Variants in ITGB5 observed in about 807,000 individuals in gnomAD.
The protein encoded by ITGB5 is integrin beta-5.
In ITGB5, 38 loss-of-function variants were observed where a neutral mutation model predicts 84.8. The ratio of observed to expected loss-of-function variants is 0.45; its 90% CI spans 0.35 to 0.59. The LOEUF (loss-of-function observed/expected upper bound fraction) is 0.59. ITGB5 is among the 20% of genes least tolerant of loss of function. The probability of loss-of-function intolerance (pLI) is 0.01; values close to 1 mark genes in which losing one functional copy is unlikely to be tolerated. For missense variants in ITGB5, 905 were observed against 1,034.5 expected (o/e 0.87, Z 1.72); for synonymous variants, 393 against 414.4 (o/e 0.95, Z 0.63).
intron 10 of ITGB5, among the ~76,000 whole-genome samples, chr3:124,774,605 T>C (rs2063895893): frequency 6.6e-6 from 1 of 152,222 alleles, no homozygotes; most frequent in South Asian, 2.1e-4. Flanking sequence ...GATTTCAGGC[T>C]TCTGACCTCC....
At chr3:124,819,673 G>A (rs534994150) in intron 7 of ITGB5, 66 bp downstream of exon 7, 3 of 1,142,196 alleles carry the variant, frequency 2.6e-6, no homozygotes, top group Non-Finnish European at 4.0e-6. Context: ...GATAGGCAGA[G>A]TTGTAAACAC....
intron 3 of ITGB5, among the ~76,000 whole-genome samples, chr3:124,849,802 C>G (rs975720530): frequency 3.3e-5 from 5 of 152,076 alleles, no homozygotes; most frequent in African/African-American, 1.2e-4. Context: ...AAGACCCAGG[C>G]CACGATAATG....
intron 3 of ITGB5, among the ~76,000 whole-genome samples, chr3:124,855,328 T>C (rs1020970578): frequency 2.0e-5 from 3 of 151,912 alleles, no homozygotes; most frequent in African/African-American, 7.3e-5. Flanking sequence ...TATAGATAGA[T>C]ATATGAAAAA....
chr3:124,766,578 T>C (rs2063771733), intron 12 of ITGB5, among the ~76,000 whole-genome samples: 1 of 151,920 alleles, frequency 6.6e-6, no homozygotes, highest in South Asian at 2.1e-4. Flanking sequence ...CATTAGAGGA[T>C]CTCCAAGCCT....
chr3:124,823,569 G>T (rs2064739273), intron 5 of ITGB5, among the ~76,000 whole-genome samples: 1 of 150,722 alleles, frequency 6.6e-6, no homozygotes, highest in African/African-American at 2.4e-5. Flanking sequence ...CTTTCAAGGT[G>T]CTGGTGATGT....
intron 3 of ITGB5, among the ~76,000 whole-genome samples, chr3:124,852,792 A>G (rs1468446795): frequency 3.9e-5 from 6 of 152,058 alleles, no homozygotes; most frequent in Non-Finnish European, 5.9e-5. Context: ...GGCTCAAGCA[A>G]TCCTCCCACC....
chr3:124,804,623 T>C (rs2064366277), intron 9 of ITGB5, among the ~76,000 whole-genome samples: 1 of 152,182 alleles, frequency 6.6e-6, no homozygotes, highest in African/African-American at 2.4e-5. Context: ...AATATCTCTA[T>C]TAAACACAGC....
At chr3:124,793,309 C>T (rs905059317) in intron 10 of ITGB5, among the ~76,000 whole-genome samples, 15 of 152,106 alleles carry the variant, frequency 9.9e-5, no homozygotes, top group Admixed American at 6.5e-5. Flanking sequence ...ATTTCAGGAT[C>T]CTGAAGGGGA....
chr3:124,796,881 G>A, intron 9 of ITGB5, 64 bp from the exon 10 acceptor site: 1 of 1,494,102 alleles, frequency 6.7e-7, no homozygotes, highest in Non-Finnish European at 9.0e-7. Context: ...ATTCACCCAG[G>A]GGCAGGGCCC....
Position 124,773,710 on chromosome 3 carries a change from C to G in ITGB5, c.1896G>C (p.Pro632=). ...GEMCEKCPTC[P]DACSTKRDCV... is the part of the protein sequence containing the mutation. ...AGTACCTCTTGGTGCTGCATGCATC[C>G]GGGCAGGTGGGGCACTTCTCACACA... The change falls in exon 11 of 15, where the codon CCG becomes CCC. Residue 632 remains proline (P), a synonymous_variant. Transcript: ENST00000296181. 6.2e-7 allele frequency: 1 copy of G among 1,612,234 alleles called. No homozygotes were observed. Among genetic ancestry groups the G allele is most frequent in the Non-Finnish European group, 8.5e-7 (1 of 1,179,986 alleles).
At chr3:124,860,121 C>T (rs1329150595) in intron 2 of ITGB5, among the ~76,000 whole-genome samples, 1 of 152,140 alleles carries the variant, frequency 6.6e-6, no homozygotes, top group Admixed American at 6.5e-5. Context: ...CAGTGCTCTA[C>T]TCCAAGAAAC....
intron 1 of ITGB5, chr3:124,878,503 T>C (rs1053204496): frequency 5.3e-5 from 8 of 152,222 alleles, no homozygotes; most frequent in African/African-American, 1.9e-4. Context: ...TCAGTTGCTG[T>C]TGGGACACAT....
At chr3:124,896,785 T>C (rs1935112380) in intron 1 of ITGB5, among the ~76,000 whole-genome samples, 1 of 142,572 alleles carries the variant, frequency 7.0e-6, no homozygotes, top group African/African-American at 2.6e-5. Context: ...AAGCTGGGCA[T>C]GCACGTGGCT....
chr3:124,846,601 T>C (rs2065081614), intron 4 of ITGB5, among the ~76,000 whole-genome samples: 1 of 152,034 alleles, frequency 6.6e-6, no homozygotes, highest in Non-Finnish European at 1.5e-5. Context: ...AGTGTCTGTG[T>C]TGTAGTGTGA....
At chr3:124,875,986 T>C (rs1210925761) in intron 1 of ITGB5, among the ~76,000 whole-genome samples, 1 of 151,960 alleles carries the variant, frequency 6.6e-6, no homozygotes, top group Admixed American at 6.6e-5. Context: ...CCATGGCTGG[T>C]GGGGTTGAGG....
rs1437620232 is a variant in ITGB5 at position 124,886,913 on chromosome 3, G to A, written c.70+18C>T. ...GTGCGACAAAGTTTCTCTGGGCGCC[G>A]TGGGCGGCGCGGCTTACCTGCGAGC... On this transcript the variant is annotated intron_variant, in intron 1 of 14. Transcript: ENST00000296181. The A allele has an allele frequency of 1.7e-5, 20 of 1,209,526 alleles. No homozygotes were observed. Among genetic ancestry groups the A allele is most frequent in the Non-Finnish European group, 2.0e-5 (19 of 972,978 alleles). 74.9% of individuals were successfully genotyped at this position (1,209,526 alleles called of 1,614,324 possible). A position where few individuals can be genotyped will look rare whatever the true frequency, so the allele number is the denominator to read the frequency against.
chr3:124,769,310 T>TGTGA (rs2063809481), intron 11 of ITGB5, 197 bp from the exon 12 acceptor site: 1 of 558,514 alleles, frequency 1.8e-6, no homozygotes, highest in East Asian at 3.0e-5. Context: ...GAGGAGCCTG[T>TGTGA]GTGAGTTTAG....
chr3:124,894,134 C>CTTTTTTTTTTTT (rs748784158), intron 1 of ITGB5, among the ~76,000 whole-genome samples: 1,342 of 104,228 alleles, frequency 0.013, 158 homozygotes, highest in East Asian at 0.028. Context: ...TGATATTTTT[C>CTTTTTTTTTTTT]TTTTTTTTTT....
chr3:124,789,118 G>A (rs1447143044), intron 10 of ITGB5, among the ~76,000 whole-genome samples: 1 of 152,228 alleles, frequency 6.6e-6, no homozygotes, highest in East Asian at 1.9e-4. Flanking sequence ...TGTGAAATAT[G>A]CCAATTGCAA....
Sources: gnomAD v4.1 joint callset for allele counts (sites outside exome capture counted in the v4.1 genomes callset) on GRCh38, gnomAD v4.1.1 for gene constraint, MANE v1.5 for transcripts, NCBI Gene and HGNC (gene_info 2026-07-23, HGNC 2026-07-21) for gene names.